TAFA1: variants seen among roughly 807,000 people sequenced by gnomAD.
The protein encoded by TAFA1 is TAFA chemokine like family member 1.
TAFA1 carries 4 observed loss-of-function variants against 18.5 expected under a neutral mutation model. The observed-to-expected ratio is 0.22, with a 90% CI of 0.11 to 0.49. The LOEUF is 0.49. TAFA1 is among the 20% of genes least tolerant of loss of function. The pLI is 0.98. For synonymous variants in TAFA1, 56 were observed against 55.2 expected (o/e 1.01, Z -0.06); for missense variants, 147 against 169.0 (o/e 0.87, Z 0.72).
At chr3:68,318,152 A>G (rs1042986482) in intron 2 of TAFA1, among the ~76,000 whole-genome samples, 10 of 152,178 alleles carry the variant, frequency 6.6e-5, no homozygotes, top group African/African-American at 2.4e-4. Context: ...AAATTTACAT[A>G]CATGTACAGA....
intron 2 of TAFA1, among the ~76,000 whole-genome samples, chr3:68,368,866 T>C (rs1228872578): frequency 6.6e-6 from 1 of 152,230 alleles, no homozygotes; most frequent in African/African-American, 2.4e-5. Context: ...TCTGAATTCG[T>C]TGCTTATACC....
intron 3 of TAFA1, among the ~76,000 whole-genome samples, chr3:68,425,910 T>A (rs1306231842): frequency 6.6e-6 from 1 of 151,840 alleles, no homozygotes; most frequent in African/African-American, 2.4e-5. Context: ...CAAGGCTCAC[T>A]CTTTCTTATT....
At chr3:68,517,928 A>G (rs572652085) in intron 3 of TAFA1, among the ~76,000 whole-genome samples, 858 of 7,206 alleles carry the variant, frequency 0.12, 6 homozygotes, top group African/African-American at 0.35. Flanking sequence ...TTGCTGATAA[A>G]CACACACACA....
At chr3:68,242,875 C>T (rs1261753874) in intron 2 of TAFA1, among the ~76,000 whole-genome samples, 3 of 151,728 alleles carry the variant, frequency 2.0e-5, no homozygotes, top group Non-Finnish European at 4.4e-5. Flanking sequence ...TTTTTTATCT[C>T]CTATTTCCTA....
chr3:68,486,112 A>ATTTTATTTTATTTTATTTTATTTTG (rs1559689440), intron 3 of TAFA1, among the ~76,000 whole-genome samples: 2 of 126,116 alleles, frequency 1.6e-5, no homozygotes, highest in African/African-American at 6.0e-5. Context: ...GTTTTATTTT[A>ATTTTATTTTATTTTATTTTATTTTG]TTTTATTTTA....
At chr3:68,170,631 A>G (rs73834870) in intron 2 of TAFA1, among the ~76,000 whole-genome samples, 2,617 of 152,278 alleles carry the variant, frequency 0.017, 85 homozygotes, top group African/African-American at 0.059. Flanking sequence ...CCAAGCTTTA[A>G]TCTCTGACTG....
chr3:68,386,109 T>G (rs1275912378), intron 2 of TAFA1, among the ~76,000 whole-genome samples: 1 of 152,148 alleles, frequency 6.6e-6, no homozygotes, highest in Non-Finnish European at 1.5e-5. Context: ...CTTTGCTGAC[T>G]TGCTATGAAC....
chr3:68,492,404 C>A (rs1489150602), intron 3 of TAFA1, among the ~76,000 whole-genome samples: 1 of 152,088 alleles, frequency 6.6e-6, no homozygotes, highest in African/African-American at 2.4e-5. Context: ...GTTAAGGCAG[C>A]AAAGCCTAGG....
intron 3 of TAFA1, among the ~76,000 whole-genome samples, chr3:68,447,744 T>C (rs1396756269): frequency 6.6e-6 from 1 of 152,222 alleles, no homozygotes; most frequent in African/African-American, 2.4e-5. Flanking sequence ...TTGAGTGAAC[T>C]GTGATCACTT....
At chr3:68,120,235 TTCTTTCTTTCTTTCTTTCTTTC>T (rs1332925989) in intron 2 of TAFA1, among the ~76,000 whole-genome samples, 79 of 137,524 alleles carry the variant, frequency 5.7e-4, no homozygotes, top group African/African-American at 2.3e-3. Context: ...CTTTCTTTCT[TTCTTTCTTTCTTTCTTTCTTTC>T]TTTCTTTTTT....
intron 3 of TAFA1, among the ~76,000 whole-genome samples, chr3:68,527,500 A>G (rs2073125492): frequency 6.6e-6 from 1 of 152,166 alleles, no homozygotes; most frequent in South Asian, 2.1e-4. Context: ...ACTTGTTTTA[A>G]TACAAAAACA....
chr3:68,124,636 T>A (rs2065442498), intron 2 of TAFA1, among the ~76,000 whole-genome samples: 1 of 152,232 alleles, frequency 6.6e-6, no homozygotes, highest in Non-Finnish European at 1.5e-5. Flanking sequence ...CACTGTACTA[T>A]GGAATTTACA....
At chr3:68,334,906 A>G (rs923705) in intron 2 of TAFA1, among the ~76,000 whole-genome samples, 89,017 of 151,582 alleles carry the variant, frequency 0.59, 27,024 homozygotes, top group East Asian at 1. Flanking sequence ...GGTGTCACAC[A>G]TCACTTATAT....
At chr3:68,255,409 C>T (rs148059052) in intron 2 of TAFA1, among the ~76,000 whole-genome samples, 1 of 152,158 alleles carries the variant, frequency 6.6e-6, no homozygotes, top group African/African-American at 2.4e-5. Context: ...AAAATATTCA[C>T]CAACTCTTCA....
At chr3:68,531,110 C>G (rs910755857) in intron 3 of TAFA1, among the ~76,000 whole-genome samples, 1 of 152,034 alleles carries the variant, frequency 6.6e-6, no homozygotes, top group African/African-American at 2.4e-5. Context: ...GCACTTCCTA[C>G]CTGTGTAAGC....
At chr3:68,337,068 A>C (rs940082442) in intron 2 of TAFA1, among the ~76,000 whole-genome samples, 1 of 152,100 alleles carries the variant, frequency 6.6e-6, no homozygotes, top group South Asian at 2.1e-4. Context: ...CCCCTTTTCC[A>C]GGCTTATTGA....
chr3:68,472,010 G>A (rs914927434), intron 3 of TAFA1, among the ~76,000 whole-genome samples: 1 of 152,154 alleles, frequency 6.6e-6, no homozygotes, highest in Admixed American at 6.5e-5. Context: ...ATGCTGAAAT[G>A]AGCTAAGACT....
intron 2 of TAFA1, among the ~76,000 whole-genome samples, chr3:68,283,099 C>A (rs2107260530): frequency 6.6e-6 from 1 of 152,258 alleles, no homozygotes; most frequent in Non-Finnish European, 1.5e-5. Context: ...TATTTTTAAA[C>A]TCTCAGAACA....
the TAFA1 span, among the ~76,000 whole-genome samples, chr3:67,994,875 C>T: frequency 1.8e-4 from 28 of 152,152 alleles, no homozygotes; most frequent in South Asian, 4.2e-4. Context: ...ATGGGGCTAC[C>T]GTGAACTATA....
Sources: gnomAD v4.1 joint callset for allele counts (sites outside exome capture counted in the v4.1 genomes callset) on GRCh38, gnomAD v4.1.1 for gene constraint, MANE v1.5 for transcripts, NCBI Gene and HGNC (gene_info 2026-07-23, HGNC 2026-07-21) for gene names.